The following CSMD3 variants were observed in gnomAD, a reference collection of about 807,000 sequenced individuals.
CSMD3 encodes CUB and Sushi multiple domains 3.
A neutral mutation model predicts 435.2 loss-of-function variants in CSMD3; 177 were observed. The ratio of observed to expected loss-of-function variants is 0.41; its 90% CI spans 0.36 to 0.46. The LOEUF (loss-of-function observed/expected upper bound fraction) is 0.46, where lower values mean the gene tolerates loss of function less well. CSMD3 is among the 20% of genes least tolerant of loss of function. The pLI, the probability that CSMD3 is intolerant of heterozygous loss-of-function variation, is 0.34. For synonymous variants in CSMD3, 1,656 were observed against 1,520.5 expected (o/e 1.09, Z -2.07); for missense variants, 4,265 against 4,504.6 (o/e 0.95, Z 1.52).
intron 27 of CSMD3, among the ~76,000 whole-genome samples, chr8:112,547,655 A>T (rs1320840680): frequency 6.6e-6 from 1 of 152,170 alleles, no homozygotes; most frequent in Non-Finnish European, 1.5e-5. Flanking sequence ...AAGGAGCATG[A>T]GCTAGAATAG....
intron 3 of CSMD3, among the ~76,000 whole-genome samples, chr8:113,237,209 G>C (rs2093160586): frequency 6.6e-6 from 1 of 152,100 alleles, no homozygotes; most frequent in African/African-American, 2.4e-5. Flanking sequence ...ATGAAAATGT[G>C]CCACACAGCC....
At chr8:112,875,523 G>A (rs528742190) in intron 10 of CSMD3, among the ~76,000 whole-genome samples, 1 of 152,170 alleles carries the variant, frequency 6.6e-6, no homozygotes, top group African/African-American at 2.4e-5. Flanking sequence ...TTTCCAACTT[G>A]GTTCCATTCT....
intron 2 of CSMD3, among the ~76,000 whole-genome samples, chr8:113,289,348 C>T (rs376022724): frequency 2.0e-5 from 3 of 151,808 alleles, no homozygotes; most frequent in East Asian, 3.9e-4. Flanking sequence ...TGTAGTATTT[C>T]TTCAAGTACA....
intron 27 of CSMD3, among the ~76,000 whole-genome samples, chr8:112,547,249 C>T (rs1265314824): frequency 6.6e-6 from 1 of 151,976 alleles, no homozygotes; most frequent in Non-Finnish European, 1.5e-5. Context: ...TATTATCACC[C>T]TGTACAAAAT....
intron 3 of CSMD3, among the ~76,000 whole-genome samples, chr8:113,248,482 T>C (rs1208838849): frequency 7.4e-6 from 1 of 135,916 alleles, no homozygotes; most frequent in Non-Finnish European, 1.6e-5. Flanking sequence ...TATATGTATA[T>C]ATACATATAT....
intron 13 of CSMD3, among the ~76,000 whole-genome samples, chr8:112,737,027 G>A (rs995991234): frequency 5.3e-5 from 8 of 151,784 alleles, no homozygotes; most frequent in African/African-American, 9.7e-5. Context: ...ATTTATCTCC[G>A]TGCTCACTTT....
intron 9 of CSMD3, among the ~76,000 whole-genome samples, chr8:112,925,374 C>G (rs151186828): frequency 5.9e-5 from 9 of 151,682 alleles, no homozygotes; most frequent in Admixed American, 2.6e-4. Flanking sequence ...CTGGCTAACA[C>G]GGTGAGACCC....
At chr8:113,232,899 G>A (rs964950244) in intron 3 of CSMD3, among the ~76,000 whole-genome samples, 8 of 151,712 alleles carry the variant, frequency 5.3e-5, no homozygotes, top group African/African-American at 4.8e-5. Flanking sequence ...TTAATGTTTC[G>A]TAACATTATT....
rs184585055 is a variant in CSMD3, at chr8:112,714,133, G to A, written c.1973-24083C>T. ...ATTAAAAGGCACAGACTGGCAGATTGGATGAAGAGTCAAGACCCATCAGTG... is the reference window on the plus strand; with the variant it reads ...ATTAAAAGGCACAGACTGGCAGATTAGATGAAGAGTCAAGACCCATCAGTG... On this transcript the variant is annotated intron_variant, in intron 13 of 70. Coordinates refer to ENST00000297405, the MANE Select transcript of CSMD3 (RefSeq NM_198123.2). Among the ~76,000 whole-genome samples the A allele has an allele frequency of 1.3e-3, 202 of 152,192 alleles. 1 individual carries two copies. The highest frequency in any genetic ancestry group is 4.7e-3 in the African/African-American group (194 of 41,534).
Position 112,765,457 on chromosome 8 carries a change from TAAGTACC to T in CSMD3, c.1972+34698_1972+34704del, listed in dbSNP as rs1296799394. On this transcript the variant is annotated intron_variant, in intron 13 of 70. Transcript: ENST00000297405. ...AATGTGTGCGACTGAATTCTTTTATTAAGTACCTGATTCGGGACACTGTTTCATGAAC... is the reference window on the plus strand; with the variant it reads ...AATGTGTGCGACTGAATTCTTTTATTTGATTCGGGACACTGTTTCATGAAC... Among the ~76,000 whole-genome samples the T allele has an allele frequency of 2.0e-5, 3 of 151,686 alleles. No individual in the cohort carries two copies. In the East Asian group the frequency reaches 5.8e-4, roughly 29 times the overall value.
intron 1 of CSMD3, among the ~76,000 whole-genome samples, chr8:113,427,116 A>G (rs2094640174): frequency 6.6e-6 from 1 of 151,498 alleles, no homozygotes; most frequent in African/African-American, 2.4e-5. Flanking sequence ...GCATGTAGAA[A>G]AAGGCTAGTT....
chr8:112,900,756 C>T (rs536548092), intron 10 of CSMD3, among the ~76,000 whole-genome samples: 4 of 151,124 alleles, frequency 2.6e-5, no homozygotes, highest in Admixed American at 2.6e-4. Context: ...GTCTCACAGG[C>T]CAACTAATGG....
intron 63 of CSMD3, among the ~76,000 whole-genome samples, chr8:112,248,527 G>C (rs1476273456): frequency 1.3e-5 from 2 of 152,086 alleles, no homozygotes; most frequent in Non-Finnish European, 2.9e-5. Context: ...GGGATATTTA[G>C]GGTCTGCCAC....
intron 4 of CSMD3, among the ~76,000 whole-genome samples, chr8:113,101,757 T>C (rs1450531330): frequency 6.6e-6 from 1 of 152,110 alleles, no homozygotes; most frequent in Non-Finnish European, 1.5e-5. Flanking sequence ...CTGAGTTCTA[T>C]GCTCAACACT....
At chr8:112,695,713 T>G (rs1249780462) in intron 13 of CSMD3, among the ~76,000 whole-genome samples, 1 of 152,102 alleles carries the variant, frequency 6.6e-6, no homozygotes, top group Non-Finnish European at 1.5e-5. Flanking sequence ...TTCAACATAG[T>G]GTTGGAAGTT....
At chr8:112,875,877 T>C (rs982728940) in intron 10 of CSMD3, among the ~76,000 whole-genome samples, 1 of 152,118 alleles carries the variant, frequency 6.6e-6, no homozygotes, top group African/African-American at 2.4e-5. Flanking sequence ...TCCTTTAGCT[T>C]GGAGGAGTTT....
chr8:112,973,752 A>G (rs1321073722), intron 7 of CSMD3, among the ~76,000 whole-genome samples: 1 of 151,840 alleles, frequency 6.6e-6, no homozygotes, highest in Non-Finnish European at 1.5e-5. Flanking sequence ...TTTTGCCCAT[A>G]ATATTAAGAG....
At chr8:112,482,186 C>A (rs1658830009) in intron 31 of CSMD3, among the ~76,000 whole-genome samples, 1 of 152,158 alleles carries the variant, frequency 6.6e-6, no homozygotes, top group Non-Finnish European at 1.5e-5. Context: ...GCTCTGTGAG[C>A]TGTTTTCTCC....
At chr8:113,180,990 A>G (rs937261149) in intron 3 of CSMD3, among the ~76,000 whole-genome samples, 1 of 152,036 alleles carries the variant, frequency 6.6e-6, no homozygotes, top group Non-Finnish European at 1.5e-5. Flanking sequence ...CAGAGTTGCT[A>G]ATCAAAAGGA....
Sources: allele counts gnomAD v4.1 joint callset (sites outside exome capture counted in the v4.1 genomes callset), GRCh38; gene constraint gnomAD v4.1.1; transcripts MANE v1.5; gene names NCBI Gene and HGNC (gene_info 2026-07-23, HGNC 2026-07-21).